The following FBXO42 variants were observed in gnomAD, a reference collection of about 807,000 sequenced individuals.
FBXO42 encodes F-box protein 42.
A neutral mutation model predicts 71.7 loss-of-function variants in FBXO42; 12 were observed. The ratio of observed to expected loss-of-function variants is 0.17; its 90% CI spans 0.11 to 0.27. The LOEUF is 0.27. FBXO42 is among the 10% of genes least tolerant of loss of function. The pLI is 1.00. For synonymous variants in FBXO42, 325 were observed against 327.5 expected (o/e 0.99, Z 0.08); for missense variants, 707 against 911.9 (o/e 0.78, Z 2.89).
chr1:16,293,787 T>C (rs1277974082), intron 4 of FBXO42: 1 of 152,184 alleles, frequency 6.6e-6, no homozygotes, highest in African/African-American at 2.4e-5. Context: ...AAACTAGCCT[T>C]TTTAGCCCAT....
chr1:16,315,046 C>A (rs1009792815), intron 2 of FBXO42, 123 bp downstream of exon 2: 10 of 1,042,516 alleles, frequency 9.6e-6, no homozygotes, highest in Admixed American at 2.8e-5. Context: ...CGGGTAGTAT[C>A]GTCTAATGCT....
chr1:16,331,463 A>G (rs2082499946), intron 1 of FBXO42, among the ~76,000 whole-genome samples: 1 of 150,822 alleles, frequency 6.6e-6, no homozygotes, highest in Non-Finnish European at 1.5e-5. Context: ...TTAATTAAAA[A>G]GTAAAAACCG....
At chr1:16,300,027 GAGGGGC>G (rs2082174788) in intron 3 of FBXO42, among the ~76,000 whole-genome samples, 1 of 152,160 alleles carries the variant, frequency 6.6e-6, no homozygotes, top group African/African-American at 2.4e-5. Context: ...ATTGATCTGA[GAGGGGC>G]AGGGGCAGGG....
At chr1:16,269,259 C>T (rs1005110015) in intron 4 of FBXO42, among the ~76,000 whole-genome samples, 1 of 149,064 alleles carries the variant, frequency 6.7e-6, no homozygotes, top group Non-Finnish European at 1.5e-5. Context: ...GCCTAATTTT[C>T]TATATTTTTA....
At chr1:16,274,939 T>C (rs1291539339) in intron 4 of FBXO42, among the ~76,000 whole-genome samples, 2 of 152,182 alleles carry the variant, frequency 1.3e-5, no homozygotes, top group Admixed American at 1.3e-4. Flanking sequence ...AAAGAATCGC[T>C]AATGTAAAAG....
intron 1 of FBXO42, among the ~76,000 whole-genome samples, chr1:16,321,484 T>G (rs2082408857): frequency 6.6e-6 from 1 of 152,170 alleles, no homozygotes; most frequent in African/African-American, 2.4e-5. Context: ...TTCATGAAAC[T>G]GTTTAAAAGA....
chr1:16,332,297 A>T (rs1242622230), intron 1 of FBXO42, among the ~76,000 whole-genome samples: 1 of 152,162 alleles, frequency 6.6e-6, no homozygotes, highest in Non-Finnish European at 1.5e-5. Flanking sequence ...TTAAAATTTT[A>T]AAATTGTTCC....
intron 2 of FBXO42, among the ~76,000 whole-genome samples, chr1:16,310,778 ATTAT>A (rs907928578): frequency 6.6e-6 from 1 of 151,892 alleles, no homozygotes; most frequent in African/African-American, 2.4e-5. Context: ...TAAATTAAAT[ATTAT>A]TTATTTATTT....
At chr1:16,292,761 C>CT (rs2082092713) in intron 4 of FBXO42, 1 of 152,164 alleles carries the variant, frequency 6.6e-6, no homozygotes, top group Non-Finnish European at 1.5e-5. Context: ...AGGCATAAAG[C>CT]TTGTTTACAA....
At chr1:16,305,115 T>G (rs546790771) in intron 3 of FBXO42, among the ~76,000 whole-genome samples, 1 of 152,342 alleles carries the variant, frequency 6.6e-6, no homozygotes, top group East Asian at 1.9e-4. Context: ...CCAGGCACAG[T>G]GGCTCACACT....
In FBXO42 at chr1:16,253,671, A is replaced by C. The variant is rs1211281444; in HGVS notation, c.828T>G (p.Ser276=). The change falls in exon 7 of 10, where the codon TCT becomes TCG. Residue 276 remains serine (S), a synonymous_variant. Coordinates refer to ENST00000375592, the MANE Select transcript of FBXO42 (RefSeq NM_018994.3). ...CACCTCGAGGATGAGGACTGGGGCC[A>C]GAGATGTTCGGCTTGGACCACGCCC... ...EQWAWSKPNI[S]GPSPHPRGGQ... is the part of the protein sequence containing the mutation. 1 of 1,614,266 alleles carries C rather than the reference A, an allele frequency of 6.2e-7. No individual in the cohort carries two copies. The highest frequency in any genetic ancestry group is 1.7e-5 in the Admixed American group (1 of 60,034).
chr1:16,282,849 TG>T (rs1476862732), intron 4 of FBXO42, among the ~76,000 whole-genome samples: 3 of 151,760 alleles, frequency 2.0e-5, no homozygotes, highest in African/African-American at 7.3e-5. Context: ...GGCGTGGTGG[TG>T]GGTGCCTGTA....
chr1:16,291,093 T>G (rs1424800190), intron 4 of FBXO42, among the ~76,000 whole-genome samples: 1 of 152,206 alleles, frequency 6.6e-6, no homozygotes, highest in African/African-American at 2.4e-5. Flanking sequence ...CTGAACACTG[T>G]TAAAGCAACT....
chr1:16,337,614 G>A (rs1383793405), intron 1 of FBXO42, among the ~76,000 whole-genome samples: 1 of 152,034 alleles, frequency 6.6e-6, no homozygotes, highest in African/African-American at 2.4e-5. Context: ...CAGGCACAGT[G>A]GCTCACGCCT....
chr1:16,296,688 C>T (rs1222079343), intron 3 of FBXO42, among the ~76,000 whole-genome samples: 2 of 148,602 alleles, frequency 1.3e-5, no homozygotes, highest in Non-Finnish European at 3.0e-5. Context: ...AAAACACCAA[C>T]AAGAAATTCA....
At chr1:16,269,693 T>C (rs1376818512) in intron 4 of FBXO42, among the ~76,000 whole-genome samples, 2 of 151,472 alleles carry the variant, frequency 1.3e-5, no homozygotes, top group Non-Finnish European at 2.9e-5. Context: ...GTCCAGCTAA[T>C]TTTGTATTTT....
rs1031151666 is a variant in FBXO42 at position 16,255,964 on chromosome 1, G to T, written c.657-143C>A. On this transcript the variant is annotated intron_variant, in intron 5 of 9. Transcript: ENST00000375592. The stretch of plus-strand genomic sequence containing the variant: ...GATAATAAGTAGAGGATGGCATAAT[G>T]TATTTATGCCTTTCCTACAAGTTTG... 12 of 622,358 alleles carry T rather than the reference G, an allele frequency of 1.9e-5. No individual in the cohort carries two copies. In the Admixed American group the frequency reaches 3.3e-4, roughly 17 times the overall value. 38.6% of individuals were successfully genotyped at this position (622,358 alleles called of 1,614,324 possible).
At chr1:16,330,076 G>A (rs2082485056) in intron 1 of FBXO42, among the ~76,000 whole-genome samples, 1 of 152,220 alleles carries the variant, frequency 6.6e-6, no homozygotes, top group South Asian at 2.1e-4. Flanking sequence ...CCACCTAGGT[G>A]AAGTTATTAT....
At chr1:16,271,368 C>A (rs976502905) in intron 4 of FBXO42, among the ~76,000 whole-genome samples, 8 of 151,520 alleles carry the variant, frequency 5.3e-5, no homozygotes, top group African/African-American at 1.7e-4. Flanking sequence ...GCAACCTTCG[C>A]CTCCTAGGTT....
Sources: allele counts gnomAD v4.1 joint callset (sites outside exome capture counted in the v4.1 genomes callset), GRCh38; gene constraint gnomAD v4.1.1; transcripts MANE v1.5; gene names NCBI Gene and HGNC (gene_info 2026-07-23, HGNC 2026-07-21).